Variants in PHF24 observed in about 807,000 individuals in gnomAD.
PHF24 encodes the protein PHD finger protein 24.
A neutral mutation model predicts 42.6 loss-of-function variants in PHF24; 25 were observed. The observed-to-expected ratio is 0.59, with a 90% CI of 0.43 to 0.82. The LOEUF (loss-of-function observed/expected upper bound fraction) is 0.82. Among genes scored for constraint, PHF24 ranks in the 40% least tolerant of loss-of-function variants. PHF24 has a pLI of 0.00. For missense variants in PHF24, 470 were observed against 538.1 expected (o/e 0.87, Z 1.25); for synonymous variants, 185 against 204.8 (o/e 0.90, Z 0.83).
the PHF24 span, among the ~76,000 whole-genome samples, chr9:34,905,625 G>A: frequency 1.3e-5 from 2 of 152,172 alleles, no homozygotes; most frequent in Admixed American, 1.3e-4. Context: ...GCTTCATGTA[G>A]AAGATGGCAT....
chr9:34,810,019 C>G, the PHF24 span, among the ~76,000 whole-genome samples: 35 of 146,530 alleles, frequency 2.4e-4, no homozygotes, highest in African/African-American at 7.8e-4. Flanking sequence ...GCCCACGCGC[C>G]GCCGCCGCCG....
chr9:34,713,415 G>A, the PHF24 span, among the ~76,000 whole-genome samples: 1 of 152,238 alleles, frequency 6.6e-6, no homozygotes, highest in Admixed American at 6.5e-5. Context: ...AATGTGGGCT[G>A]CTATCCCCAC....
chr9:34,836,133 C>T, the PHF24 span: 2 of 448,912 alleles, frequency 4.5e-6, no homozygotes, highest in South Asian at 3.4e-5. Context: ...GTTGGCATTG[C>T]CCTTCCCTAG....
At chr9:34,883,320 T>C in the PHF24 span, among the ~76,000 whole-genome samples, 1 of 152,280 alleles carries the variant, frequency 6.6e-6, no homozygotes, top group East Asian at 1.9e-4. Context: ...ACTTCATGAC[T>C]AAAACACCAA....
chr9:34,972,871 G>A (rs940844421), intron 3 of PHF24, among the ~76,000 whole-genome samples: 13 of 137,140 alleles, frequency 9.5e-5, no homozygotes, highest in African/African-American at 3.2e-4. Flanking sequence ...CCGAAATCGC[G>A]CCACTGCACT....
the PHF24 span, among the ~76,000 whole-genome samples, chr9:34,743,954 G>A: frequency 2.1e-3 from 327 of 152,314 alleles, 2 homozygotes; most frequent in Non-Finnish European, 2.8e-3. Flanking sequence ...GGAGGCACTA[G>A]GGGCTGAAAT....
chr9:34,711,677 G>A, the PHF24 span, among the ~76,000 whole-genome samples: 45 of 152,000 alleles, frequency 3.0e-4, no homozygotes, highest in African/African-American at 9.2e-4. Context: ...CGAGTAACTG[G>A]GATTATGGGC....
chr9:34,832,818 C>A, the PHF24 span: 22 of 1,551,406 alleles, frequency 1.4e-5, no homozygotes, highest in Middle Eastern at 1.7e-4. Flanking sequence ...AGCTGGGGCA[C>A]CACAGTCTGG....
chr9:34,868,711 G>T, the PHF24 span, among the ~76,000 whole-genome samples: 2 of 152,176 alleles, frequency 1.3e-5, no homozygotes, highest in African/African-American at 4.8e-5. Context: ...GAGAGGTAAA[G>T]GAGGGAGGTT....
At chr9:34,792,889 G>A in the PHF24 span, among the ~76,000 whole-genome samples, 2 of 152,120 alleles carry the variant, frequency 1.3e-5, no homozygotes. Flanking sequence ...CCCAGGAGGT[G>A]GAAATTGTAG....
At chr9:34,967,380 T>G (rs1357781088) in intron 1 of PHF24, among the ~76,000 whole-genome samples, 1 of 152,214 alleles carries the variant, frequency 6.6e-6, no homozygotes, top group East Asian at 1.9e-4. Flanking sequence ...AGTAAAAGTA[T>G]GATTGTTCCA....
the PHF24 span, among the ~76,000 whole-genome samples, chr9:34,869,102 G>T: frequency 1.3e-5 from 2 of 152,278 alleles, no homozygotes; most frequent in East Asian, 3.9e-4. Flanking sequence ...TTTTATGGTT[G>T]CATAGTATTC....
At chr9:34,710,660 C>T in the PHF24 span, among the ~76,000 whole-genome samples, 23 of 150,054 alleles carry the variant, frequency 1.5e-4, no homozygotes, top group Admixed American at 1.3e-3. Context: ...TTTGTAGAGA[C>T]GAGGTTTCAC....
At chr9:34,751,226 A>G in the PHF24 span, among the ~76,000 whole-genome samples, 99 of 152,212 alleles carry the variant, frequency 6.5e-4, no homozygotes, top group African/African-American at 2.2e-3. Context: ...TTAGCCAGGC[A>G]TGGTGGCAGG....
the PHF24 span, among the ~76,000 whole-genome samples, chr9:34,672,669 C>T: frequency 6.6e-6 from 1 of 152,122 alleles, no homozygotes; most frequent in African/African-American, 2.4e-5. Flanking sequence ...TCTAGTCCCA[C>T]ACCCATAATA....
At chr9:34,792,642 C>T in the PHF24 span, among the ~76,000 whole-genome samples, 1 of 151,406 alleles carries the variant, frequency 6.6e-6, no homozygotes, top group Non-Finnish European at 1.5e-5. Context: ...CCATTGCACT[C>T]CAGCCTGGGC....
chr9:34,836,440 G>A, the PHF24 span, among the ~76,000 whole-genome samples: 1 of 152,180 alleles, frequency 6.6e-6, no homozygotes, highest in African/African-American at 2.4e-5. Context: ...TCTCATTTGA[G>A]GCTAAGAAAC....
chr9:34,801,342 C>T, the PHF24 span, among the ~76,000 whole-genome samples: 1 of 152,190 alleles, frequency 6.6e-6, no homozygotes, highest in Non-Finnish European at 1.5e-5. Flanking sequence ...GACACATGCA[C>T]ATGTATGTTT....
chr9:34,937,678 G>A, the PHF24 span, among the ~76,000 whole-genome samples: 1 of 148,944 alleles, frequency 6.7e-6, no homozygotes, highest in Non-Finnish European at 1.5e-5. Flanking sequence ...CAACAACAAG[G>A]CAGAAAGCTG....
Sources: allele counts gnomAD v4.1 joint callset (sites outside exome capture counted in the v4.1 genomes callset), GRCh38; gene constraint gnomAD v4.1.1; transcripts MANE v1.5; gene names NCBI Gene and HGNC (gene_info 2026-07-23, HGNC 2026-07-21).